The following NRAP variants were observed in gnomAD, a reference collection of about 807,000 sequenced individuals.
NRAP encodes the protein nebulin related anchoring protein.
A neutral mutation model predicts 225.9 loss-of-function variants in NRAP; 189 were observed. That is an observed-to-expected ratio of 0.84 (90% CI 0.74 to 0.94). The LOEUF (loss-of-function observed/expected upper bound fraction) is 0.94, where lower values mean the gene tolerates loss of function less well. NRAP is among the 40% of genes least tolerant of loss of function. NRAP has a pLI of 0.00. For synonymous variants in NRAP, 769 were observed against 790.7 expected (o/e 0.97, Z 0.46); for missense variants, 2,176 against 2,168.7 (o/e 1.00, Z -0.07).
chr10:113,650,505 C>G lies in NRAP; in HGVS notation c.716G>C (p.Gly239Ala), dbSNP rs767324362. The change falls in exon 8 of 42, where the codon GGC becomes GCC. Residue 239 changes from glycine to alanine, a missense_variant. Physicochemically the swap from Gly to Ala is moderately conservative, Grantham distance 60. Coordinates refer to ENST00000359988, the MANE Select transcript of NRAP (RefSeq NM_198060.4). ...GGGTGTGATCATCGCAGGGAAACTG[C>G]CTTTCCCTCTTTGTTGTTCATAGTC... ...TEDYEQQRGKGSFPAMITPAY... is the reference protein window; with the variant it reads ...TEDYEQQRGKASFPAMITPAY... 2 of 1,613,776 alleles carry G rather than the reference C, an allele frequency of 1.2e-6. No individual in the cohort carries two copies. The highest frequency in any genetic ancestry group is 2.2e-5 in the East Asian group (1 of 44,858).
chr10:113,596,051 G>T (rs778702166), intron 37 of NRAP, among the ~76,000 whole-genome samples: 3 of 152,072 alleles, frequency 2.0e-5, no homozygotes, highest in African/African-American at 4.8e-5. Flanking sequence ...ATATTTCAGA[G>T]AATCTTTGCA....
intron 29 of NRAP, among the ~76,000 whole-genome samples, chr10:113,613,344 G>A (rs1455788278): frequency 6.6e-6 from 1 of 152,210 alleles, no homozygotes; most frequent in Non-Finnish European, 1.5e-5. Flanking sequence ...GAGAGGTAGA[G>A]CTGGCTCCAC....
chr10:113,627,518 T>C (rs1848352669), intron 20 of NRAP, among the ~76,000 whole-genome samples: 1 of 152,208 alleles, frequency 6.6e-6, no homozygotes, highest in Non-Finnish European at 1.5e-5. Flanking sequence ...CAGACGGGGC[T>C]CTGATTGCTC....
chr10:113,592,356 A>AT, intron 38 of NRAP, 55 bp from the exon 39 acceptor site: 1 of 1,197,378 alleles, frequency 8.4e-7, no homozygotes, highest in Non-Finnish European at 1.2e-6. Context: ...ACTGTCTTCC[A>AT]TGTTGCTGGT....
intron 38 of NRAP, among the ~76,000 whole-genome samples, chr10:113,594,694 C>T (rs969091266): frequency 7.9e-5 from 12 of 152,252 alleles, no homozygotes; most frequent in African/African-American, 2.7e-4. Flanking sequence ...ATTTACAAAG[C>T]ACCATCGCAT....
At chr10:113,627,709 A>G (rs1487921279) in intron 20 of NRAP, among the ~76,000 whole-genome samples, 1 of 152,224 alleles carries the variant, frequency 6.6e-6, no homozygotes, top group African/African-American at 2.4e-5. Flanking sequence ...ATACTGTCTC[A>G]TGGTCAAGAG....
chr10:113,634,106 A>T lies in NRAP; in HGVS notation c.1527+6T>A. On this transcript the variant is annotated splice_donor_region_variant and intron_variant, in intron 15 of 41. Coordinates refer to ENST00000359988, the MANE Select transcript of NRAP (RefSeq NM_198060.4). ...TACATCCAGCTGGGCAGGGACAGTT[A>T]CTTACATGACTCAGCTGCTGGGCAT... 1 of 1,603,054 alleles carries T rather than the reference A, an allele frequency of 6.2e-7. No homozygotes were observed.
At chr10:113,609,818 G>A (rs1847215343) in intron 31 of NRAP, among the ~76,000 whole-genome samples, 1 of 152,136 alleles carries the variant, frequency 6.6e-6, no homozygotes, top group Non-Finnish European at 1.5e-5. Context: ...TGCTTTGTTT[G>A]CATTGTACCA....
At chr10:113,653,925 A>G in intron 5 of NRAP, 96 bp downstream of exon 5, 3 of 796,464 alleles carry the variant, frequency 3.8e-6, no homozygotes, top group Non-Finnish European at 6.7e-6. Context: ...TGATAGCATC[A>G]TTCTGTCTAC....
At chr10:113,640,448 C>T (rs1026286164) in intron 13 of NRAP, 117 bp from the exon 14 acceptor site, 2 of 557,738 alleles carry the variant, frequency 3.6e-6, no homozygotes, top group Admixed American at 3.5e-5. Context: ...AGTTTCATCA[C>T]CTTCAAGGAA....
intron 16 of NRAP, 32 bp downstream of exon 16, chr10:113,633,052 C>T (rs764636044): frequency 1.9e-6 from 2 of 1,078,008 alleles, no homozygotes; most frequent in Non-Finnish European, 2.9e-6. Flanking sequence ...CTCTATAACC[C>T]CCTCCACCGT....
At chr10:113,627,892 G>A (rs999464642) in intron 20 of NRAP, among the ~76,000 whole-genome samples, 7 of 152,086 alleles carry the variant, frequency 4.6e-5, no homozygotes, top group African/African-American at 9.7e-5. Flanking sequence ...TATATAATAC[G>A]CCCAAAGTGA....
chr10:113,627,802 A>G (rs1418532965), intron 20 of NRAP, among the ~76,000 whole-genome samples: 1 of 152,190 alleles, frequency 6.6e-6, no homozygotes, highest in African/African-American at 2.4e-5. Flanking sequence ...CACTTTCTTT[A>G]TCTGTAAAAT....
In NRAP at chr10:113,633,065, C is replaced by T. The variant is rs375210200; in HGVS notation, c.1632+19G>A. 1.6e-5 allele frequency: 21 copies of T among 1,275,730 alleles called. No individual in the cohort carries two copies. The African/African-American group carries it at 3.1e-4, about 19-fold the overall frequency. The allele number at this position is 1,275,730 out of a possible 1,614,324, so 79.0% of individuals were successfully genotyped here. A position where few individuals can be genotyped will look rare whatever the true frequency, so the allele number is the denominator to read the frequency against. On this transcript the variant is annotated intron_variant, in intron 16 of 41. Coordinates refer to ENST00000359988, the MANE Select transcript of NRAP (RefSeq NM_198060.4). ...CGCTCTATAACCCCCTCCACCGTCTCCCCACATTGCTCTCTTACCTCACTG... is the reference window on the plus strand; with the variant it reads ...CGCTCTATAACCCCCTCCACCGTCTTCCCACATTGCTCTCTTACCTCACTG...
intron 5 of NRAP, 89 bp downstream of exon 5, chr10:113,653,932 C>A: frequency 1.2e-6 from 1 of 813,330 alleles, no homozygotes; most frequent in Non-Finnish European, 2.2e-6. Context: ...ATCATTCTGT[C>A]TACCGAAATT....
chr10:113,606,962 G>A (rs533327335), intron 32 of NRAP, among the ~76,000 whole-genome samples: 9 of 152,164 alleles, frequency 5.9e-5, no homozygotes, highest in African/African-American at 2.2e-4. Flanking sequence ...CAGCACTGTA[G>A]GAGGCTGAGG....
intron 14 of NRAP, 66 bp downstream of exon 14, chr10:113,640,161 C>T: frequency 3.4e-6 from 3 of 878,216 alleles, no homozygotes; most frequent in Non-Finnish European, 5.5e-6. Context: ...TTGCTACCTA[C>T]AAATCACTCC....
intron 26 of NRAP, among the ~76,000 whole-genome samples, chr10:113,616,512 C>A (rs2133957212): frequency 6.6e-6 from 1 of 152,306 alleles, no homozygotes; most frequent in East Asian, 1.9e-4. Flanking sequence ...TCTTGTTTGA[C>A]CATCTGTGTT....
chr10:113,651,777 A>G (rs758661022), intron 7 of NRAP, 26 bp downstream of exon 7: 1 of 1,436,314 alleles, frequency 7.0e-7, no homozygotes, highest in Non-Finnish European at 9.8e-7. Context: ...CCCATCAGTG[A>G]TGGACTGGCC....
Sources: allele counts gnomAD v4.1 joint callset (sites outside exome capture counted in the v4.1 genomes callset), GRCh38; gene constraint gnomAD v4.1.1; transcripts MANE v1.5; gene names NCBI Gene and HGNC (gene_info 2026-07-23, HGNC 2026-07-21).